Variants in VRTN observed in about 807,000 individuals in gnomAD.
VRTN encodes vertebrae development associated, also known as vertnin.
In VRTN, 5 loss-of-function variants were observed where a neutral mutation model predicts 18.2. That is an observed-to-expected ratio of 0.27 (90% CI 0.14 to 0.58). The LOEUF is 0.58. Among genes scored for constraint, VRTN ranks in the 20% least tolerant of loss-of-function variants. The probability of loss-of-function intolerance (pLI) is 0.91; values close to 1 mark genes in which losing one functional copy is unlikely to be tolerated. For synonymous variants in VRTN, 381 were observed against 393.7 expected, an observed-to-expected ratio of 0.97 and a Z score of 0.38; for missense variants, 741 against 939.4, an observed-to-expected ratio of 0.79 and a Z score of 2.76.
intron 1 of VRTN, among the ~76,000 whole-genome samples, chr14:74,337,328 T>C (rs561933300): frequency 1.3e-5 from 2 of 151,726 alleles, no homozygotes; most frequent in South Asian, 4.2e-4. Flanking sequence ...GGTGACAGAG[T>C]GAGACCCTGC....
chr14:74,323,786 T>C lies in VRTN; in HGVS notation c.-163-13937T>C, dbSNP rs117328399. Among the ~76,000 whole-genome samples, 339 of 152,168 alleles carry C rather than the reference T, an allele frequency of 2.2e-3. 23 individuals carry two copies. The East Asian group carries it at 0.06, about 27-fold the overall frequency. On this transcript the variant is annotated intron_variant, in intron 1 of 2. Transcript: ENST00000557177. The stretch of plus-strand genomic sequence containing the variant: ...AGGAGACCTGGATTCTAGGCCACAT[T>C]CTACTACTTATCATCTGGGAAGGGT...
chr14:74,345,858 A>G (rs181687311), upstream of VRTN, among the ~76,000 whole-genome samples: 39 of 146,606 alleles, frequency 2.7e-4, 1 homozygote, highest in African/African-American at 9.8e-4. Flanking sequence ...TGGGAGTTGG[A>G]GGTTGAGGTG....
At chr14:74,320,249 C>CTTTTTTTTTTTTT (rs71115982) in intron 1 of VRTN, among the ~76,000 whole-genome samples, 1 of 72,690 alleles carries the variant, frequency 1.4e-5, no homozygotes, top group Non-Finnish European at 2.4e-5. Context: ...GATCCCATCC[C>CTTTTTTTTTTTTT]TTTTTTTTTT....
intron 1 of VRTN, among the ~76,000 whole-genome samples, chr14:74,349,791 C>CT (rs2085672023): frequency 6.6e-6 from 1 of 152,152 alleles, no homozygotes; most frequent in South Asian, 2.1e-4. Context: ...TGTGAGTGCC[C>CT]TGCAGAGTAG....
chr14:74,303,116 C>G, exon 1 of VRTN: 1 of 463,852 alleles, frequency 2.2e-6, no homozygotes, highest in South Asian at 5.6e-5. Flanking sequence ...TACAGCGCCC[C>G]CATATTTTCT....
intron 2 of VRTN, among the ~76,000 whole-genome samples, chr14:74,340,218 T>C (rs2085593404): frequency 2.0e-5 from 3 of 151,990 alleles, no homozygotes; most frequent in South Asian, 4.2e-4. Flanking sequence ...GTTCAAGCGA[T>C]TCTCCTACTT....
chr14:74,304,991 C>T (rs1313115957), intron 1 of VRTN, among the ~76,000 whole-genome samples: 1 of 152,090 alleles, frequency 6.6e-6, no homozygotes, highest in Non-Finnish European at 1.5e-5. Context: ...TATTCGGTGG[C>T]ATTACTGTCC....
chr14:74,339,377 G>A (rs1299240361), intron 2 of VRTN, among the ~76,000 whole-genome samples: 1 of 152,170 alleles, frequency 6.6e-6, no homozygotes, highest in Non-Finnish European at 1.5e-5. Flanking sequence ...CAGAGTCTGA[G>A]TGGTCATCCA....
chr14:74,334,877 A>G (rs1368824876), intron 1 of VRTN, among the ~76,000 whole-genome samples: 2 of 152,164 alleles, frequency 1.3e-5, no homozygotes, highest in East Asian at 1.9e-4. Flanking sequence ...CTGGCAGTAG[A>G]TAAGAGTAGC....
rs867079054 is a variant in VRTN at position 74,357,685 on chromosome 14, G to A, written c.902G>A (p.Arg301Gln). 2.5e-6 allele frequency: 4 copies of A among 1,613,472 alleles called. No homozygotes were observed. The highest frequency in any genetic ancestry group is 2.2e-5 in the East Asian group (1 of 44,900). Residue 301 changes from arginine to glutamine, a missense_variant, in exon 2 of 2, where the codon CGG becomes CAG. This residue lies in a region of VRTN where 494 missense variants were observed against 546.5 expected (regional missense o/e 0.90). Coordinates refer to ENST00000256362, the MANE Select transcript of VRTN (RefSeq NM_018228.3). The surrounding 1 kb of genome is among the most constrained non-coding windows in gnomAD (Gnocchi z 7.8). ...AAAAGCACCTTCTACCGCTGGCGGC[G>A]GCAGTCCCAGGAGCACCGGCAGAAG... The part of the protein sequence containing the change: ...VTKSTFYRWR[R>Q]QSQEHRQKVA...
At chr14:74,311,550 C>T (rs1193028562) in intron 1 of VRTN, among the ~76,000 whole-genome samples, 1 of 151,786 alleles carries the variant, frequency 6.6e-6, no homozygotes, top group Non-Finnish European at 1.5e-5. Flanking sequence ...GCTGGGATTA[C>T]AGGCATGCTC....
At chr14:74,308,764 C>T (rs1275752313) in intron 1 of VRTN, among the ~76,000 whole-genome samples, 4 of 152,290 alleles carry the variant, frequency 2.6e-5, no homozygotes, top group Admixed American at 1.3e-4. Flanking sequence ...GATCTGCTGG[C>T]CTTGGCCTCC....
intron 1 of VRTN, among the ~76,000 whole-genome samples, chr14:74,316,343 C>T (rs896750935): frequency 4.6e-5 from 7 of 152,014 alleles, no homozygotes; most frequent in African/African-American, 7.2e-5. Context: ...TGGTGAAACT[C>T]TGTCTCTACT....
chr14:74,349,373 G>T (rs1339836834), intron 1 of VRTN, among the ~76,000 whole-genome samples: 1 of 152,248 alleles, frequency 6.6e-6, no homozygotes, highest in African/African-American at 2.4e-5. Flanking sequence ...TGTGGCCAGG[G>T]CAGGGAGGGC....
chr14:74,336,030 C>A (rs1020995843), intron 1 of VRTN, among the ~76,000 whole-genome samples: 1 of 151,628 alleles, frequency 6.6e-6, no homozygotes, highest in Admixed American at 6.6e-5. Flanking sequence ...TGTGAGCCAC[C>A]GCACCCAGCC....
At chr14:74,352,967 G>A (rs1394288770) in intron 1 of VRTN, among the ~76,000 whole-genome samples, 2 of 152,146 alleles carry the variant, frequency 1.3e-5, no homozygotes, top group Non-Finnish European at 2.9e-5. Flanking sequence ...GTGGTTAATG[G>A]TTTGAACAGG....
At chr14:74,338,945 G>A (rs1156702498) in intron 2 of VRTN, among the ~76,000 whole-genome samples, 1 of 152,088 alleles carries the variant, frequency 6.6e-6, no homozygotes, top group Non-Finnish European at 1.5e-5. Flanking sequence ...GGTTGCTCTC[G>A]AACTCCTGAC....
Position 74,333,966 on chromosome 14 carries a change from A to T in VRTN, c.-163-3757A>T, listed in dbSNP as rs77737721. ...TGCACCATCTTATTTAATCTTCATA[A>T]TGATTCTATGAGGTTACTACAGTTA... On this transcript the variant is annotated intron_variant, in intron 1 of 2. Coordinates refer to the VRTN transcript ENST00000557177. Among the ~76,000 whole-genome samples, 530 of 152,322 alleles carry T rather than the reference A, an allele frequency of 3.5e-3. 4 individuals carry two copies. Among genetic ancestry groups the T allele is most frequent in the African/African-American group, 0.012 (504 of 41,572 alleles).
chr14:74,345,234 G>A (rs1356499827), upstream of VRTN, among the ~76,000 whole-genome samples: 1 of 151,488 alleles, frequency 6.6e-6, no homozygotes, highest in African/African-American at 2.4e-5. Context: ...TGCAGAGATG[G>A]GAGCTTGGTG....
Sources: gnomAD v4.1 joint callset for allele counts (sites outside exome capture counted in the v4.1 genomes callset) on GRCh38, gnomAD v4.1.1 for gene constraint, gnomAD v4.1.1 regional missense constraint, Gnocchi (gnomAD v3.1) non-coding constraint, MANE v1.5 for transcripts, NCBI Gene and HGNC (gene_info 2026-07-23, HGNC 2026-07-21) for gene names.